GFRA1: variants seen among roughly 807,000 people sequenced by gnomAD.
GFRA1 encodes the protein GDNF family receptor alpha 1.
Under a neutral mutation model 51.6 loss-of-function variants are expected in GFRA1, and 16 were observed. The observed-to-expected ratio is 0.31, with a 90% CI of 0.21 to 0.47. The LOEUF (loss-of-function observed/expected upper bound fraction) is 0.47. GFRA1 is among the 20% of genes least tolerant of loss of function. The pLI is 1.00. For synonymous variants in GFRA1, 270 were observed against 241.3 expected, an observed-to-expected ratio of 1.12 and a Z score of -1.10; for missense variants, 530 against 594.3, an observed-to-expected ratio of 0.89 and a Z score of 1.13.
intron 4 of GFRA1, among the ~76,000 whole-genome samples, chr10:116,254,523 G>A (rs578178758): frequency 2.7e-5 from 4 of 150,722 alleles, no homozygotes; most frequent in East Asian, 3.9e-4. Context: ...AAAAAAAGAA[G>A]AAGAAAAAAA....
intron 5 of GFRA1, among the ~76,000 whole-genome samples, chr10:116,162,555 G>A (rs1959934039): frequency 6.6e-6 from 1 of 152,176 alleles, no homozygotes; most frequent in Non-Finnish European, 1.5e-5. Context: ...GGAGGCTCTG[G>A]AGCATGTGAG....
At chr10:116,193,251 G>A (rs976081711) in intron 5 of GFRA1, among the ~76,000 whole-genome samples, 1 of 152,048 alleles carries the variant, frequency 6.6e-6, no homozygotes, top group African/African-American at 2.4e-5. Context: ...AAATACAAAG[G>A]ACCCCTGCCA....
intron 4 of GFRA1, among the ~76,000 whole-genome samples, chr10:116,245,370 A>G (rs1967780207): frequency 6.6e-6 from 1 of 152,182 alleles, no homozygotes; most frequent in Admixed American, 6.5e-5. Context: ...AATAAAAACA[A>G]CCATGAGATA....
chr10:116,239,004 A>T (rs117519213), intron 4 of GFRA1, among the ~76,000 whole-genome samples: 3 of 152,350 alleles, frequency 2.0e-5, no homozygotes, highest in Non-Finnish European at 4.4e-5. Context: ...AAGCAAGAGT[A>T]TCATCAGCCA....
At chr10:116,196,328 A>C (rs1963743971) in intron 5 of GFRA1, among the ~76,000 whole-genome samples, 1 of 150,906 alleles carries the variant, frequency 6.6e-6, no homozygotes, top group Admixed American at 6.7e-5. Context: ...TCTCTACTAA[A>C]AATACAAATA....
intron 6 of GFRA1, among the ~76,000 whole-genome samples, chr10:116,097,641 C>T (rs970914645): frequency 6.6e-6 from 1 of 152,160 alleles, no homozygotes; most frequent in Non-Finnish European, 1.5e-5. Flanking sequence ...AGCTGGGCCA[C>T]CTCTGAGGTC....
chr10:116,270,795 G>T, intron 3 of GFRA1, 27 bp downstream of exon 3: 1 of 1,593,422 alleles, frequency 6.3e-7, no homozygotes, highest in Non-Finnish European at 8.6e-7. Context: ...AGGGACACGG[G>T]GTGGGGTGGG....
At chr10:116,237,115 T>C (rs1407851961) in intron 4 of GFRA1, among the ~76,000 whole-genome samples, 1 of 152,230 alleles carries the variant, frequency 6.6e-6, no homozygotes, top group Non-Finnish European at 1.5e-5. Flanking sequence ...CTATTATTAT[T>C]AGTGTCTTAT....
At chr10:116,193,084 C>T (rs1963416253) in intron 5 of GFRA1, among the ~76,000 whole-genome samples, 2 of 152,248 alleles carry the variant, frequency 1.3e-5, no homozygotes, top group South Asian at 4.2e-4. Flanking sequence ...ATTTGTCAGG[C>T]TAATTTTCAG....
At chr10:116,089,058 C>T (rs1268621171) in intron 9 of GFRA1, among the ~76,000 whole-genome samples, 1 of 151,688 alleles carries the variant, frequency 6.6e-6, no homozygotes, top group South Asian at 2.1e-4. Context: ...ACTCTGCTTT[C>T]GACTGAAGAC....
Position 116,125,432 on chromosome 10 carries a change from A to G in GFRA1, c.559T>C (p.Cys187Arg). The part of the protein sequence containing the change: ...PCTTSVSNDV[C>R]NRRKCHKALR... ...GCCTTGTGGCACTTGCGGCGGTTGCAGACATCGTTGGACACGCTGGTGGTG... is the reference window on the plus strand; with the variant it reads ...GCCTTGTGGCACTTGCGGCGGTTGCGGACATCGTTGGACACGCTGGTGGTG... The change falls in exon 6 of 11, where the codon TGC becomes CGC. Residue 187 changes from cysteine to arginine, a missense_variant. Physicochemically the swap from Cys to Arg is radical, Grantham distance 180. Transcript: ENST00000355422. The G allele has an allele frequency of 6.2e-7, 1 of 1,614,138 alleles. No individual in the cohort carries two copies. Among genetic ancestry groups the G allele is most frequent in the African/African-American group, 1.3e-5 (1 of 75,074 alleles).
chr10:116,064,300 G>A lies in GFRA1; in HGVS notation c.*98C>T. 1 of 1,029,322 alleles carries A rather than the reference G, an allele frequency of 9.7e-7. No individual in the cohort carries two copies. Among genetic ancestry groups the A allele is most frequent in the Admixed American group, 2.0e-5 (1 of 51,140 alleles). 63.8% of individuals were successfully genotyped at this position (1,029,322 alleles called of 1,614,324 possible). On this transcript the variant is annotated 3_prime_UTR_variant, in exon 11 of 11. Transcript: ENST00000355422. ...AGTTGAATGGAACTGTTTCTCAACT[G>A]AGCTCCTAAACTGGAATTTCAGCTA...
At chr10:116,151,751 T>C (rs1959073413) in intron 5 of GFRA1, among the ~76,000 whole-genome samples, 1 of 152,122 alleles carries the variant, frequency 6.6e-6, no homozygotes, top group Non-Finnish European at 1.5e-5. Flanking sequence ...GGATAGCCAA[T>C]GGCCATTCAT....
At chr10:116,209,501 G>A in intron 5 of GFRA1, among the ~76,000 whole-genome samples, 1 of 152,082 alleles carries the variant, frequency 6.6e-6, no homozygotes, top group Non-Finnish European at 1.5e-5. Context: ...GCAGGGCCTG[G>A]ATGCCCATGG....
At chr10:116,085,648 C>A (rs1025069542) in intron 9 of GFRA1, among the ~76,000 whole-genome samples, 1 of 152,160 alleles carries the variant, frequency 6.6e-6, no homozygotes, top group African/African-American at 2.4e-5. Context: ...CTGGAGGGAC[C>A]ACATTCTTGG....
At chr10:116,168,144 A>T (rs909555251) in intron 5 of GFRA1, among the ~76,000 whole-genome samples, 1 of 145,264 alleles carries the variant, frequency 6.9e-6, no homozygotes, top group African/African-American at 2.5e-5. Context: ...AAACCAGGGA[A>T]TTTTTTTTTT....
intron 7 of GFRA1, among the ~76,000 whole-genome samples, chr10:116,094,612 C>T (rs1357516825): frequency 3.3e-5 from 5 of 152,164 alleles, no homozygotes; most frequent in Admixed American, 3.3e-4. Flanking sequence ...CCGCTGATGA[C>T]AAGAAGGCTT....
chr10:116,256,114 C>G (rs1304963741), intron 4 of GFRA1, among the ~76,000 whole-genome samples: 1 of 152,126 alleles, frequency 6.6e-6, no homozygotes, highest in African/African-American at 2.4e-5. Context: ...TTACTTGTAG[C>G]AACCTTATGA....
intron 6 of GFRA1, among the ~76,000 whole-genome samples, chr10:116,111,169 A>G (rs2694806): frequency 0.94 from 143,319 of 152,304 alleles, 68,037 homozygotes; most frequent in East Asian, 1. Context: ...CATTTTAGGA[A>G]GAAGATTTAA....
Sources: gnomAD v4.1 joint callset for allele counts (sites outside exome capture counted in the v4.1 genomes callset) on GRCh38, gnomAD v4.1.1 for gene constraint, MANE v1.5 for transcripts, NCBI Gene and HGNC (gene_info 2026-07-23, HGNC 2026-07-21) for gene names.